Variants in FRYL observed in about 807,000 individuals in gnomAD.
FRYL encodes protein furry homolog-like.
A neutral mutation model predicts 351.2 loss-of-function variants in FRYL; 150 were observed. The observed-to-expected ratio is 0.43, with a 90% CI of 0.37 to 0.49. FRYL has a LOEUF of 0.49. FRYL is among the 20% of genes least tolerant of loss of function. The pLI is 0.00. For missense variants in FRYL, 3,036 were observed against 3,619.3 expected (o/e 0.84, Z 4.13); for synonymous variants, 1,153 against 1,257.1 (o/e 0.92, Z 1.75).
intron 4 of FRYL, among the ~76,000 whole-genome samples, chr4:48,623,892 T>C (rs1751226327): frequency 6.6e-6 from 1 of 152,170 alleles, no homozygotes; most frequent in Non-Finnish European, 1.5e-5. Flanking sequence ...ATACCTTTTA[T>C]ATGTATGTAA....
chr4:48,753,807 A>C (rs1476158998), intron 1 of FRYL, among the ~76,000 whole-genome samples: 2 of 152,158 alleles, frequency 1.3e-5, no homozygotes, highest in Non-Finnish European at 2.9e-5. Flanking sequence ...ATTTTTATGT[A>C]TGGTATGAGA....
chr4:48,506,645 T>C (rs1577838250), intron 59 of FRYL: 2 of 72,676 alleles, frequency 2.8e-5, no homozygotes, highest in Non-Finnish European at 6.9e-5. Context: ...TATATATATA[T>C]ATATATATAT....
At chr4:48,509,995 G>T in intron 59 of FRYL, 64 bp downstream of exon 59, 1 of 1,074,314 alleles carries the variant, frequency 9.3e-7, no homozygotes, top group Non-Finnish European at 1.4e-6. Context: ...CTATTCTGCT[G>T]CCAGGATTAC....
chr4:48,508,998 C>A (rs576761765), intron 59 of FRYL, among the ~76,000 whole-genome samples: 7 of 152,158 alleles, frequency 4.6e-5, no homozygotes, highest in Admixed American at 1.3e-4. Flanking sequence ...AGGGGTGTGG[C>A]GACAAGAGAA....
chr4:48,758,628 T>C (rs957762961), intron 1 of FRYL, among the ~76,000 whole-genome samples: 3 of 152,212 alleles, frequency 2.0e-5, no homozygotes, highest in Non-Finnish European at 4.4e-5. Context: ...TTTACACTGT[T>C]GGTGGGACTG....
intron 24 of FRYL, 137 bp downstream of exon 24, chr4:48,575,893 A>G: frequency 1.6e-6 from 1 of 625,262 alleles, no homozygotes; most frequent in Non-Finnish European, 2.7e-6. Context: ...GGCTTTCTTG[A>G]GGTATTTTCC....
chr4:48,746,734 C>T (rs1452124007), intron 1 of FRYL, among the ~76,000 whole-genome samples: 1 of 152,080 alleles, frequency 6.6e-6, no homozygotes, highest in Non-Finnish European at 1.5e-5. Flanking sequence ...ACAGCTACTG[C>T]TATGCACGTA....
intron 3 of FRYL, chr4:48,646,141 A>T (rs1462479670): frequency 6.6e-6 from 1 of 152,214 alleles, no homozygotes; most frequent in African/African-American, 2.4e-5. Flanking sequence ...ACTATATTGC[A>T]TGATAATGGA....
chr4:48,736,492 T>C (rs1384393847), intron 1 of FRYL, among the ~76,000 whole-genome samples: 1 of 152,016 alleles, frequency 6.6e-6, no homozygotes, highest in Non-Finnish European at 1.5e-5. Context: ...AAACAACTAA[T>C]ATTAGAAAAT....
chr4:48,725,644 C>T (rs772228160), intron 1 of FRYL, among the ~76,000 whole-genome samples: 47 of 152,316 alleles, frequency 3.1e-4, no homozygotes, highest in Admixed American at 9.2e-4. Flanking sequence ...TCCACACTGT[C>T]TATGCTACCC....
Position 48,699,295 on chromosome 4 carries a change from G to A in FRYL, c.-204+11224C>T, listed in dbSNP as rs529032449. Reference sequence around the variant, plus strand: ...GAAAAAGCTAGAGAACTCTCAAAAAGGATAACTAAACATAATTAACACATC... The same window carrying A: ...GAAAAAGCTAGAGAACTCTCAAAAAAGATAACTAAACATAATTAACACATC... On this transcript the variant is annotated intron_variant, in intron 2 of 63. Transcript: ENST00000358350. Among the ~76,000 whole-genome samples, 20 of 152,122 alleles carry A rather than the reference G, an allele frequency of 1.3e-4. No homozygotes were observed. In the South Asian group the frequency reaches 4.1e-3, roughly 32 times the overall value.
intron 23 of FRYL, 37 bp downstream of exon 23, chr4:48,578,936 T>TA: frequency 6.6e-7 from 1 of 1,523,270 alleles, no homozygotes; most frequent in East Asian, 2.3e-5. Flanking sequence ...GCTGACAGTC[T>TA]ATACATTTTT....
intron 2 of FRYL, among the ~76,000 whole-genome samples, chr4:48,692,286 T>C (rs1352040036): frequency 6.6e-6 from 1 of 152,182 alleles, no homozygotes. Flanking sequence ...TACAGTATAA[T>C]GTTTAGATAC....
intron 49 of FRYL, among the ~76,000 whole-genome samples, chr4:48,532,270 A>AT (rs1455400795): frequency 2.6e-5 from 4 of 152,250 alleles, no homozygotes; most frequent in African/African-American, 9.6e-5. Context: ...AATTGAGTTC[A>AT]TAACATCTTG....
intron 1 of FRYL, among the ~76,000 whole-genome samples, chr4:48,767,352 G>A (rs370594871): frequency 6.6e-6 from 1 of 152,102 alleles, no homozygotes. Flanking sequence ...AAATCTGACC[G>A]AATGATCCAA....
chr4:48,710,156 T>C (rs1393473299), intron 2 of FRYL, among the ~76,000 whole-genome samples: 1 of 152,234 alleles, frequency 6.6e-6, no homozygotes, highest in Non-Finnish European at 1.5e-5. Flanking sequence ...TCCATGAATG[T>C]ATACATAATT....
At chr4:48,607,287 C>T (rs538754136) in intron 9 of FRYL, among the ~76,000 whole-genome samples, 13 of 152,166 alleles carry the variant, frequency 8.5e-5, no homozygotes, top group South Asian at 2.1e-4. Flanking sequence ...GAAGCCAGTT[C>T]CTTAAAGTTA....
chr4:48,675,658 C>A (rs1189079040), intron 3 of FRYL, among the ~76,000 whole-genome samples: 1 of 152,202 alleles, frequency 6.6e-6, no homozygotes, highest in African/African-American at 2.4e-5. Context: ...CCCTAGCCTC[C>A]CCGACGAGCA....
intron 19 of FRYL, among the ~76,000 whole-genome samples, chr4:48,586,204 GA>G (rs77562605): frequency 4.6e-5 from 7 of 152,182 alleles, no homozygotes; most frequent in East Asian, 1.9e-4. Flanking sequence ...GCCATAGGGG[GA>G]AAAAAAAGCA....
Sources: allele counts gnomAD v4.1 joint callset (sites outside exome capture counted in the v4.1 genomes callset), GRCh38; gene constraint gnomAD v4.1.1; transcripts MANE v1.5; gene names NCBI Gene and HGNC (gene_info 2026-07-23, HGNC 2026-07-21).